The following CDH12 variants were observed in gnomAD, a reference collection of about 807,000 sequenced individuals.
CDH12 encodes cadherin 12, also known as cadherin-12.
In CDH12, 41 loss-of-function variants were observed where a neutral mutation model predicts 74.1. That is an observed-to-expected ratio of 0.55 (90% CI 0.43 to 0.72). CDH12 has a LOEUF of 0.72. CDH12 is among the 30% of genes least tolerant of loss of function. The probability of loss-of-function intolerance (pLI) is 0.00; values close to 1 mark genes in which losing one functional copy is unlikely to be tolerated. For missense variants in CDH12, 945 were observed against 977.2 expected, an observed-to-expected ratio of 0.97 and a Z score of 0.44; for synonymous variants, 399 against 355.0, an observed-to-expected ratio of 1.12 and a Z score of -1.39.
At chr5:21,820,406 A>G (rs779763757) in intron 8 of CDH12, among the ~76,000 whole-genome samples, 2 of 152,040 alleles carry the variant, frequency 1.3e-5, no homozygotes, top group Admixed American at 6.6e-5. Flanking sequence ...TGATTGATTT[A>G]CTAGCATTCC....
intron 6 of CDH12, among the ~76,000 whole-genome samples, chr5:21,895,407 G>A (rs1033503873): frequency 3.3e-5 from 5 of 152,162 alleles, no homozygotes; most frequent in Admixed American, 3.3e-4. Flanking sequence ...GAGAAACTGT[G>A]GTTCTGTCTT....
chr5:21,919,517 T>C (rs962610784), intron 6 of CDH12, among the ~76,000 whole-genome samples: 85 of 152,270 alleles, frequency 5.6e-4, no homozygotes, highest in African/African-American at 1.9e-3. Flanking sequence ...ACTTCTTTCA[T>C]GCAAATTCTT....
chr5:22,019,471 T>C (rs1317577746), intron 5 of CDH12, among the ~76,000 whole-genome samples: 8 of 152,198 alleles, frequency 5.3e-5, no homozygotes. Context: ...GGTGGGGCTC[T>C]GAGAAGGTGA....
intron 7 of CDH12, among the ~76,000 whole-genome samples, chr5:21,853,364 TC>T (rs1405257558): frequency 6.6e-6 from 1 of 151,552 alleles, no homozygotes; most frequent in Non-Finnish European, 1.5e-5. Context: ...GATACTCCCT[TC>T]TTAGTGGAGT....
chr5:22,205,064 T>C (rs1751145996), intron 4 of CDH12, among the ~76,000 whole-genome samples: 1 of 152,242 alleles, frequency 6.6e-6, no homozygotes, highest in Non-Finnish European at 1.5e-5. Context: ...AGTTACTGAG[T>C]AAATTCAATG....
intron 1 of CDH12, among the ~76,000 whole-genome samples, chr5:22,809,762 C>T (rs1164406054): frequency 6.6e-6 from 1 of 151,558 alleles, no homozygotes; most frequent in African/African-American, 2.4e-5. Context: ...TTTTTTAAGC[C>T]AAAAATACTG....
At chr5:21,778,797 AGGT>A (rs1745745578) in intron 11 of CDH12, among the ~76,000 whole-genome samples, 1 of 152,184 alleles carries the variant, frequency 6.6e-6, no homozygotes, top group Admixed American at 6.6e-5. Context: ...TACTCTATAC[AGGT>A]GATACCAAAA....
chr5:22,463,196 T>C (rs1021574385), intron 2 of CDH12, among the ~76,000 whole-genome samples: 2 of 152,142 alleles, frequency 1.3e-5, no homozygotes, highest in African/African-American at 4.8e-5. Flanking sequence ...TGTCAACAAT[T>C]AGCTGTAAAT....
chr5:21,849,842 CAT>C (rs1348296736), intron 7 of CDH12, among the ~76,000 whole-genome samples: 1 of 151,714 alleles, frequency 6.6e-6, no homozygotes, highest in Non-Finnish European at 1.5e-5. Context: ...CTCATAAAGA[CAT>C]GTGCACTTTC....
intron 5 of CDH12, among the ~76,000 whole-genome samples, chr5:22,001,507 T>C (rs1270553723): frequency 1.3e-5 from 2 of 152,152 alleles, no homozygotes; most frequent in Non-Finnish European, 2.9e-5. Context: ...TTATTCTATT[T>C]TTTAACTTTT....
At chr5:22,469,760 A>T (rs1022977253) in intron 2 of CDH12, among the ~76,000 whole-genome samples, 1 of 152,000 alleles carries the variant, frequency 6.6e-6, no homozygotes, top group Non-Finnish European at 1.5e-5. Flanking sequence ...TTTACCATTC[A>T]TTATAGGGAA....
At chr5:21,998,964 C>T (rs1266551193) in intron 5 of CDH12, among the ~76,000 whole-genome samples, 1 of 152,044 alleles carries the variant, frequency 6.6e-6, no homozygotes, top group Non-Finnish European at 1.5e-5. Context: ...AATTAAATAC[C>T]ACAAATGAAA....
chr5:22,009,939 CA>C (rs774589642), intron 5 of CDH12, among the ~76,000 whole-genome samples: 6,812 of 54,308 alleles, frequency 0.13, 99 homozygotes, highest in African/African-American at 0.18. Context: ...GAAACTGTCT[CA>C]AAAAAAAAAA....
rs143210666 is a variant in CDH12 at position 22,579,611 on chromosome 5, ATTTTC to A, written c.-522-74252_-522-74248del. ...GGAAGTTTAAACTGAACATACCCTA[ATTTTC>A]TTTTCTTTTCTTTTTTATTTCATTG... On this transcript the variant is annotated intron_variant, in intron 1 of 14. Transcript: ENST00000382254. Among the ~76,000 whole-genome samples, 956 of 152,120 alleles carry A rather than the reference ATTTTC, an allele frequency of 6.3e-3. 13 individuals are homozygous for A. The highest frequency in any genetic ancestry group is 0.022 in the African/African-American group (908 of 41,508).
intron 1 of CDH12, among the ~76,000 whole-genome samples, chr5:22,536,928 T>C (rs114875724): frequency 1.3e-3 from 200 of 152,284 alleles, no homozygotes; most frequent in African/African-American, 4.7e-3. Flanking sequence ...CCTACAGAAA[T>C]AACACTGCAT....
intron 4 of CDH12, among the ~76,000 whole-genome samples, chr5:22,116,306 C>A (rs1745094838): frequency 6.6e-6 from 1 of 152,108 alleles, no homozygotes; most frequent in Non-Finnish European, 1.5e-5. Context: ...ATGGAAACAT[C>A]AGTCCCACAG....
intron 8 of CDH12, among the ~76,000 whole-genome samples, chr5:21,825,943 G>T (rs1336216302): frequency 6.6e-6 from 1 of 152,134 alleles, no homozygotes; most frequent in Non-Finnish European, 1.5e-5. Flanking sequence ...AAGTTAAACA[G>T]TTTTTTAAAT....
chr5:22,587,146 C>G (rs1396299176), intron 1 of CDH12, among the ~76,000 whole-genome samples: 1 of 151,874 alleles, frequency 6.6e-6, no homozygotes, highest in Non-Finnish European at 1.5e-5. Flanking sequence ...TAGAAGTGGA[C>G]TTTTAAGAGG....
intron 8 of CDH12, among the ~76,000 whole-genome samples, chr5:21,838,921 G>T (rs2149981835): frequency 6.6e-6 from 1 of 152,196 alleles, no homozygotes; most frequent in African/African-American, 2.4e-5. Flanking sequence ...CTGTAACTTT[G>T]TATCCCTGAT....
Sources: allele counts gnomAD v4.1 joint callset (sites outside exome capture counted in the v4.1 genomes callset), GRCh38; gene constraint gnomAD v4.1.1; transcripts MANE v1.5; gene names NCBI Gene and HGNC (gene_info 2026-07-23, HGNC 2026-07-21).